The following MCM8 variants were observed in gnomAD, a reference collection of about 807,000 sequenced individuals.
MCM8 encodes DNA helicase MCM8.
A neutral mutation model predicts 98.9 loss-of-function variants in MCM8; 85 were observed. The ratio of observed to expected loss-of-function variants is 0.86; its 90% confidence interval spans 0.72 to 1.03. The LOEUF (loss-of-function observed/expected upper bound fraction) is 1.03. Among genes scored for constraint, MCM8 ranks in the 50% least tolerant of loss-of-function variants. The probability of loss-of-function intolerance (pLI) is 0.00; values close to 1 mark genes in which losing one functional copy is unlikely to be tolerated. For synonymous variants in MCM8, 352 were observed against 338.6 expected (o/e 1.04, Z -0.44); for missense variants, 951 against 997.8 (o/e 0.95, Z 0.63).
chr20:5,975,849 C>A, intron 12 of MCM8, among the ~76,000 whole-genome samples: 1 of 151,504 alleles, frequency 6.6e-6, no homozygotes, highest in East Asian at 1.9e-4. Context: ...AAAATGTGTC[C>A]AGTGGTATTG....
chr20:5,970,834 G>T (rs2089386903), intron 10 of MCM8, among the ~76,000 whole-genome samples: 1 of 152,038 alleles, frequency 6.6e-6, no homozygotes, highest in Non-Finnish European at 1.5e-5. Context: ...TTAGAGACAG[G>T]GTCTTGCTGT....
Position 5,958,666 on chromosome 20 carries a change from T to A in MCM8, c.729T>A (p.Ala243=), listed in dbSNP as rs377479094. ...PLCTKMAFLC[A]ACGEIQSFPL... is the part of the protein sequence containing the mutation. ...GCACCAAGATGGCTTTTCTTTGTGCTGCATGTGGAGAAATTCAGAGCTTTC... is the reference window on the plus strand; with the variant it reads ...GCACCAAGATGGCTTTTCTTTGTGCAGCATGTGGAGAAATTCAGAGCTTTC... The change falls in exon 7 of 19, where the codon GCT becomes GCA. Residue 243 remains alanine, a synonymous_variant. Coordinates refer to ENST00000610722, the MANE Select transcript of MCM8 (RefSeq NM_032485.6). 2 of 1,614,056 alleles carry A rather than the reference T, an allele frequency of 1.2e-6. No individual in the cohort carries two copies. Among genetic ancestry groups the A allele is most frequent in the Non-Finnish European group, 1.7e-6 (2 of 1,180,038 alleles).
intron 7 of MCM8, among the ~76,000 whole-genome samples, chr20:5,959,503 A>G (rs1249392501): frequency 6.6e-6 from 1 of 152,088 alleles, no homozygotes; most frequent in African/African-American, 2.4e-5. Flanking sequence ...TACCTATTTT[A>G]ATACATATCA....
At chr20:5,987,250 TC>T in intron 16 of MCM8, 31 bp from the exon 17 acceptor site, 9 of 1,591,560 alleles carry the variant, frequency 5.7e-6, no homozygotes, top group Non-Finnish European at 7.7e-6. Context: ...TATTCATCTT[TC>T]GTCATCTGAA....
intron 15 of MCM8, 22 bp downstream of exon 15, chr20:5,985,022 A>T: frequency 6.3e-7 from 1 of 1,593,100 alleles, no homozygotes; most frequent in Non-Finnish European, 8.6e-7. Context: ...TCTTCTCCTT[A>T]TTCAGTTTGG....
chr20:5,958,922 C>T (rs975837224), intron 7 of MCM8, among the ~76,000 whole-genome samples, 196 bp downstream of exon 7: 3 of 152,064 alleles, frequency 2.0e-5, no homozygotes, highest in African/African-American at 7.2e-5. Context: ...CTCATCACCC[C>T]GAATTTACAT....
Position 5,950,706 on chromosome 20 carries a change from T to G in MCM8, c.-323T>G, listed in dbSNP as rs1432858121. On this transcript the variant is annotated 5_prime_UTR_variant, in exon 1 of 19. Transcript: ENST00000610722. ...CCAAAAAAGAATTTAGGGGAAGACC[T>G]GATTTTCGCTTGAGGCATTTTTGCG... is the stretch of plus-strand genomic sequence containing the variant. 2 of 298,684 alleles carry G rather than the reference T, an allele frequency of 6.7e-6. No individual in the cohort carries two copies. The highest frequency in any genetic ancestry group is 1.0e-4 in the Admixed American group (2 of 19,738). The allele number at this position is 298,684 out of a possible 1,614,324, so 18.5% of individuals were successfully genotyped here. A position where few individuals can be genotyped will look rare whatever the true frequency, so the allele number is the denominator to read the frequency against.
At chr20:5,957,033 G>A (rs543117977) in intron 5 of MCM8, 93 bp from the exon 6 acceptor site, 1 of 667,284 alleles carries the variant, frequency 1.5e-6, no homozygotes, top group African/African-American at 1.9e-5. Context: ...TTCTGTTTCT[G>A]TCCATAAACT....
intron 3 of MCM8, among the ~76,000 whole-genome samples, chr20:5,954,147 TA>T (rs557130525): frequency 8.3e-4 from 121 of 145,416 alleles, no homozygotes; most frequent in East Asian, 7.9e-4. Flanking sequence ...TTTAGAGTGT[TA>T]AAAAAAAAAA....
Position 5,994,339 on chromosome 20 carries a change from AGG to A in MCM8, c.2473_2474del (p.Gly825LeufsTer36), listed in dbSNP as rs1311301132. 1 of 1,607,248 alleles carries A rather than the reference AGG, an allele frequency of 6.2e-7. No homozygotes were observed. The highest frequency in any genetic ancestry group is 8.5e-7 in the Non-Finnish European group (1 of 1,177,612). On this transcript the variant is annotated frameshift_variant, in exon 19 of 19. Transcript: ENST00000610722. LOFTEE classifies it high-confidence loss of function. Reference sequence around the variant, plus strand: ...AATTTTATTGGATCACTAAATGACCAGGGTTACCTCTTGAAAAAAGGCCCAAA... The same window carrying A: ...AATTTTATTGGATCACTAAATGACCAGTTACCTCTTGAAAAAAGGCCCAAA...
chr20:5,971,420 A>G (rs901615086), intron 10 of MCM8, among the ~76,000 whole-genome samples: 2 of 152,186 alleles, frequency 1.3e-5, no homozygotes, highest in African/African-American at 4.8e-5. Context: ...AACTCAACCA[A>G]TTGTCAACCA....
intron 8 of MCM8, chr20:5,965,396 T>C (rs2089253514): frequency 1.3e-5 from 2 of 152,224 alleles, no homozygotes; most frequent in Non-Finnish European, 2.9e-5. Flanking sequence ...CCATTAACTT[T>C]ATTACCAGAA....
intron 17 of MCM8, among the ~76,000 whole-genome samples, chr20:5,988,682 G>T (rs1300403680): frequency 1.3e-5 from 2 of 151,928 alleles, no homozygotes; most frequent in Admixed American, 1.3e-4. Flanking sequence ...AATATCCTCT[G>T]ATAGCAATGA....
chr20:5,983,290 A>G, intron 14 of MCM8, 125 bp downstream of exon 14: 2 of 802,006 alleles, frequency 2.5e-6, no homozygotes, highest in Middle Eastern at 3.6e-4. Flanking sequence ...TAAATGTCCA[A>G]TAAATGCACA....
intron 10 of MCM8, among the ~76,000 whole-genome samples, chr20:5,968,443 G>A (rs1383379089): frequency 6.6e-6 from 1 of 152,164 alleles, no homozygotes; most frequent in Non-Finnish European, 1.5e-5. Flanking sequence ...TACTCGGGAG[G>A]CTGAAGTGAA....
intron 17 of MCM8, among the ~76,000 whole-genome samples, chr20:5,990,207 T>C (rs2089821162): frequency 6.6e-6 from 1 of 152,148 alleles, no homozygotes; most frequent in Non-Finnish European, 1.5e-5. Context: ...CCTGAATAGC[T>C]GGGATTACAG....
rs36027696 is a variant in MCM8, at chr20:5,980,873, C to CA, written c.1538-2078dup. On this transcript the variant is annotated intron_variant, in intron 13 of 18. Coordinates refer to ENST00000610722, the MANE Select transcript of MCM8 (RefSeq NM_032485.6). ...GGTAACAGAACGAAACTCTGTCTCT[C>CA]AAAAAAAAAAAAAAAAAAAGTTCAA... 6.1e-3 allele frequency among the ~76,000 whole-genome samples: 538 copies of CA among 87,734 alleles called. 4 individuals carry two copies. Among genetic ancestry groups the CA allele is most frequent in the African/African-American group, 0.011 (332 of 29,428 alleles). 57.6% of individuals were successfully genotyped at this position (87,734 alleles called of 152,430 possible).
At position 5,994,455 on chromosome 20, in the gene MCM8, A is replaced by ATGCG; in HGVS notation, c.*68_*71dup. 3 of 863,330 alleles carry ATGCG rather than the reference A, an allele frequency of 3.5e-6. 1 individual carries two copies. The South Asian group carries it at 4.5e-5, about 13-fold the overall frequency. 53.5% of individuals were successfully genotyped at this position (863,330 alleles called of 1,614,324 possible). On this transcript the variant is annotated 3_prime_UTR_variant, in exon 19 of 19. Transcript: ENST00000610722. Reference sequence around the variant, plus strand: ...AGATTAAAGCCATCTCAGTGAAGATATGCGTGCACGCACAGACAGACAGAC... The same window carrying ATGCG: ...AGATTAAAGCCATCTCAGTGAAGATATGCGTGCGTGCACGCACAGACAGACAGAC...
chr20:5,965,200 G>A (rs1302479087), intron 8 of MCM8: 1 of 152,152 alleles, frequency 6.6e-6, no homozygotes. Flanking sequence ...CATTCCCCGG[G>A]ATAAATAATA....
Sources: gnomAD v4.1 joint callset for allele counts (sites outside exome capture counted in the v4.1 genomes callset) on GRCh38, gnomAD v4.1.1 for gene constraint, MANE v1.5 for transcripts, NCBI Gene and HGNC (gene_info 2026-07-23, HGNC 2026-07-21) for gene names.